Variants in CALN1 observed in about 807,000 individuals in gnomAD.
CALN1 encodes the protein calneuron 1.
CALN1 carries 17 observed loss-of-function variants against 30.6 expected under a neutral mutation model. The observed-to-expected ratio is 0.56, with a 90% CI of 0.38 to 0.83. The LOEUF is 0.83. Ranked by LOEUF, CALN1 falls within the 40% of genes least tolerant of loss-of-function variation. The pLI is 0.00. For missense variants in CALN1, 291 were observed against 354.9 expected (o/e 0.82, Z 1.45); for synonymous variants, 156 against 131.4 (o/e 1.19, Z -1.28).
chr7:72,341,321 G>A (rs1234178610), intron 2 of CALN1, among the ~76,000 whole-genome samples: 4 of 152,132 alleles, frequency 2.6e-5, no homozygotes, highest in East Asian at 1.9e-4. Flanking sequence ...TCAGGGGTTC[G>A]ACACCAGCCT....
chr7:71,925,906 T>G, intron 5 of CALN1, among the ~76,000 whole-genome samples: 1 of 152,024 alleles, frequency 6.6e-6, no homozygotes, highest in Admixed American at 6.6e-5. Context: ...CAGGCTGGAG[T>G]GCAGTGGCGC....
intron 3 of CALN1, among the ~76,000 whole-genome samples, chr7:72,261,590 A>G (rs1479358483): frequency 6.6e-6 from 1 of 152,046 alleles, no homozygotes; most frequent in Non-Finnish European, 1.5e-5. Flanking sequence ...CGCTTGGATA[A>G]CTTTTTCAAC....
the CALN1 span, among the ~76,000 whole-genome samples, chr7:72,503,910 G>A: frequency 6.6e-6 from 1 of 152,078 alleles, no homozygotes; most frequent in Admixed American, 6.6e-5. Context: ...TGGCTCCCAG[G>A]GAATTTCACA....
intron 2 of CALN1, among the ~76,000 whole-genome samples, chr7:72,385,381 A>G (rs1243256446): frequency 1.3e-5 from 2 of 152,182 alleles, no homozygotes; most frequent in Non-Finnish European, 2.9e-5. Context: ...AGAATCACAG[A>G]AAGGTGGAAG....
At chr7:72,366,454 G>T (rs1013548384) in intron 2 of CALN1, among the ~76,000 whole-genome samples, 10 of 152,182 alleles carry the variant, frequency 6.6e-5, no homozygotes, top group African/African-American at 2.4e-4. Flanking sequence ...GGCATTACAG[G>T]CATGAGCTAC....
At chr7:72,000,425 TAGA>T (rs752322038) in intron 5 of CALN1, among the ~76,000 whole-genome samples, 6 of 151,980 alleles carry the variant, frequency 3.9e-5, no homozygotes, top group Non-Finnish European at 7.4e-5. Context: ...TTCAACAACT[TAGA>T]AGAATTGGAC....
intron 5 of CALN1, among the ~76,000 whole-genome samples, chr7:71,888,442 A>T (rs1324697279): frequency 6.7e-6 from 1 of 148,880 alleles, no homozygotes; most frequent in Non-Finnish European, 1.5e-5. Flanking sequence ...CGAGAGAGAG[A>T]GAGAAAGACA....
At chr7:71,943,053 G>A (rs543884898) in intron 5 of CALN1, among the ~76,000 whole-genome samples, 3 of 152,200 alleles carry the variant, frequency 2.0e-5, no homozygotes, top group East Asian at 3.9e-4. Context: ...TAAATTGATT[G>A]GTGTCTCATG....
At chr7:71,904,295 ATCTG>A (rs1443806992) in intron 5 of CALN1, among the ~76,000 whole-genome samples, 5 of 152,224 alleles carry the variant, frequency 3.3e-5, no homozygotes, top group African/African-American at 1.2e-4. Context: ...TATGGAATTA[ATCTG>A]TCTATCAAAG....
At chr7:72,348,475 T>G (rs115991515) in intron 2 of CALN1, among the ~76,000 whole-genome samples, 2,075 of 152,236 alleles carry the variant, frequency 0.014, 62 homozygotes, top group African/African-American at 0.047. Context: ...GCAACACAGA[T>G]AGAAAGGTGG....
intron 4 of CALN1, among the ~76,000 whole-genome samples, chr7:72,092,001 T>G (rs1222518146): frequency 1.3e-5 from 2 of 152,216 alleles, no homozygotes; most frequent in Non-Finnish European, 2.9e-5. Context: ...CCAGAAAAAT[T>G]TCCATTTCAT....
intron 5 of CALN1, among the ~76,000 whole-genome samples, chr7:71,811,209 G>A (rs544328711): frequency 4.6e-5 from 7 of 151,574 alleles, no homozygotes; most frequent in African/African-American, 1.5e-4. Flanking sequence ...ATTATGTATC[G>A]TTTAAAAAAA....
At chr7:72,376,049 T>C (rs1282456145) in intron 2 of CALN1, among the ~76,000 whole-genome samples, 2 of 152,230 alleles carry the variant, frequency 1.3e-5, no homozygotes, top group Non-Finnish European at 2.9e-5. Flanking sequence ...CATAATGTTT[T>C]TAAGGTTTAG....
At chr7:72,227,781 C>T (rs910583330) in intron 3 of CALN1, among the ~76,000 whole-genome samples, 9 of 151,506 alleles carry the variant, frequency 5.9e-5, no homozygotes, top group South Asian at 2.1e-4. Context: ...ACCTGGGAGG[C>T]GGGGGTTGCA....
intron 2 of CALN1, among the ~76,000 whole-genome samples, chr7:72,318,427 A>G (rs992133153): frequency 6.6e-6 from 1 of 152,226 alleles, no homozygotes; most frequent in Non-Finnish European, 1.5e-5. Context: ...CTTGCAGAAG[A>G]ACCACCTTGC....
chr7:72,220,488 T>C (rs1402954933), intron 3 of CALN1, among the ~76,000 whole-genome samples: 2 of 151,864 alleles, frequency 1.3e-5, no homozygotes, highest in Non-Finnish European at 2.9e-5. Context: ...TTGTGAATAG[T>C]GCTGCAATAA....
At chr7:72,293,350 G>T (rs568813557) in intron 2 of CALN1, among the ~76,000 whole-genome samples, 1 of 152,232 alleles carries the variant, frequency 6.6e-6, no homozygotes, top group African/African-American at 2.4e-5. Flanking sequence ...GGAACTAAAA[G>T]GAGAGATGGA....
intron 2 of CALN1, among the ~76,000 whole-genome samples, chr7:72,400,405 A>C (rs1309751592): frequency 6.6e-6 from 1 of 152,194 alleles, no homozygotes; most frequent in Non-Finnish European, 1.5e-5. Context: ...GAAACCCAAG[A>C]GACTTAGCTT....
intron 2 of CALN1, among the ~76,000 whole-genome samples, chr7:72,315,791 G>A (rs1382796977): frequency 6.6e-6 from 1 of 152,096 alleles, no homozygotes; most frequent in South Asian, 2.1e-4. Flanking sequence ...CATTGCTGCT[G>A]GAAATTAAAA....
Sources: allele counts gnomAD v4.1 joint callset (sites outside exome capture counted in the v4.1 genomes callset), GRCh38; gene constraint gnomAD v4.1.1; transcripts MANE v1.5; gene names NCBI Gene and HGNC (gene_info 2026-07-23, HGNC 2026-07-21).